The following ITGA9 variants were observed in gnomAD, a reference collection of about 807,000 sequenced individuals.
ITGA9 encodes the protein integrin subunit alpha 9, also known as integrin alpha-9.
ITGA9 carries 56 observed loss-of-function variants against 127.8 expected under a neutral mutation model. That is an observed-to-expected ratio of 0.44 (90% CI 0.35 to 0.55). ITGA9 has a LOEUF of 0.55. ITGA9 is among the 20% of genes least tolerant of loss of function. ITGA9 has a pLI of 0.00. For missense variants in ITGA9, 1,196 were observed against 1,347.1 expected (o/e 0.89, Z 1.76); for synonymous variants, 508 against 514.5 (o/e 0.99, Z 0.17).
At chr3:37,517,069 T>A (rs554657606) in intron 9 of ITGA9, among the ~76,000 whole-genome samples, 1 of 152,212 alleles carries the variant, frequency 6.6e-6, no homozygotes, top group Non-Finnish European at 1.5e-5. Context: ...TGCAAAACAG[T>A]TTTATAAACT....
intron 13 of ITGA9, 149 bp downstream of exon 13, chr3:37,526,220 A>C: frequency 1.3e-6 from 1 of 741,080 alleles, no homozygotes; most frequent in Non-Finnish European, 2.4e-6. Flanking sequence ...TCTCATTCTA[A>C]TTATTCTCTA....
rs1697475176 is a variant in ITGA9, at chr3:37,818,888, C to T, written c.3010-3C>T. 1.2e-6 allele frequency: 2 copies of T among 1,610,382 alleles called. No individual in the cohort carries two copies. Among genetic ancestry groups the T allele is most frequent in the South Asian group, 2.2e-5 (2 of 91,020 alleles). ...TCAGCTTCTCTTTCTTTCTGCCTTTCAGATGGGCTTCTTTCGCCGAAGGTA... is the reference window on the plus strand; with the variant it reads ...TCAGCTTCTCTTTCTTTCTGCCTTTTAGATGGGCTTCTTTCGCCGAAGGTA... On this transcript the variant is annotated splice_polypyrimidine_tract_variant and splice_region_variant and intron_variant, in intron 27 of 27. Transcript: ENST00000264741.
At chr3:37,790,099 A>T in intron 26 of ITGA9, 2 of 555,554 alleles carry the variant, frequency 3.6e-6, no homozygotes, top group South Asian at 2.8e-5. Context: ...TGCTTCTACA[A>T]TGGAAATTTT....
chr3:37,662,109 A>G (rs1700542045), intron 17 of ITGA9, among the ~76,000 whole-genome samples: 2 of 152,156 alleles, frequency 1.3e-5, no homozygotes, highest in African/African-American at 4.8e-5. Context: ...CCTAACAAGA[A>G]TACAGCCAGG....
chr3:37,649,167 G>A (rs1485458546), intron 16 of ITGA9, among the ~76,000 whole-genome samples: 2 of 148,432 alleles, frequency 1.3e-5, no homozygotes, highest in African/African-American at 2.5e-5. Context: ...AGAAAAAGAG[G>A]GACAAAAGAA....
At chr3:37,474,045 A>G (rs1214922982) in intron 3 of ITGA9, among the ~76,000 whole-genome samples, 1 of 152,254 alleles carries the variant, frequency 6.6e-6, no homozygotes, top group Admixed American at 6.5e-5. Context: ...CATTGTACGT[A>G]TCAGTAGTTC....
chr3:37,796,991 T>C (rs2125559531), intron 26 of ITGA9, among the ~76,000 whole-genome samples: 1 of 152,208 alleles, frequency 6.6e-6, no homozygotes, highest in Non-Finnish European at 1.5e-5. Context: ...ATGGGTTCCC[T>C]TGAGTTTGTT....
intron 7 of ITGA9, 68 bp from the exon 8 acceptor site, chr3:37,508,491 A>G (rs1486119581): frequency 7.7e-7 from 1 of 1,294,698 alleles, no homozygotes; most frequent in Non-Finnish European, 1.1e-6. Context: ...GACTCCCAGG[A>G]GAGTGCTGAT....
chr3:37,477,969 T>G (rs1290156767), intron 3 of ITGA9, among the ~76,000 whole-genome samples: 1 of 152,192 alleles, frequency 6.6e-6, no homozygotes, highest in African/African-American at 2.4e-5. Flanking sequence ...GTTGCTCTGT[T>G]TCCTGATTTT....
intron 18 of ITGA9, among the ~76,000 whole-genome samples, chr3:37,707,320 T>C (rs1163404478): frequency 6.6e-6 from 1 of 152,246 alleles, no homozygotes; most frequent in Admixed American, 6.5e-5. Flanking sequence ...AGTTCTTTTC[T>C]GTTTAAGTGG....
At chr3:37,794,132 T>C (rs1257050194) in intron 26 of ITGA9, among the ~76,000 whole-genome samples, 4 of 152,194 alleles carry the variant, frequency 2.6e-5, no homozygotes, top group African/African-American at 9.7e-5. Context: ...GTGCTAGGCA[T>C]GTGCTATGAT....
At chr3:37,646,758 G>C (rs1700382046) in intron 16 of ITGA9, among the ~76,000 whole-genome samples, 1 of 152,152 alleles carries the variant, frequency 6.6e-6, no homozygotes, top group South Asian at 2.1e-4. Flanking sequence ...GTGTTTGCCA[G>C]AGGACTTAGG....
chr3:37,650,436 T>C (rs1427769919), intron 16 of ITGA9, among the ~76,000 whole-genome samples: 1 of 152,126 alleles, frequency 6.6e-6, no homozygotes, highest in East Asian at 1.9e-4. Context: ...AATGTTTGTT[T>C]GTTTGTTTGT....
intron 4 of ITGA9, among the ~76,000 whole-genome samples, chr3:37,490,975 C>CCCCCTTTT (rs548395527): frequency 9.5e-6 from 1 of 105,104 alleles, no homozygotes; most frequent in South Asian, 3.6e-4. Context: ...TTCCCCCCCG[C>CCCCCTTTT]TTTTTTTTTT....
rs76699366 is a variant in ITGA9, at chr3:37,701,851, G to A, written c.2067+17836G>A. 4.2e-4 allele frequency among the ~76,000 whole-genome samples: 64 copies of A among 152,256 alleles called. 2 individuals are homozygous for A. In the East Asian group the frequency reaches 0.012, roughly 29 times the overall value. ...ACTAAGACAAAATACAGAATACAGAGCAGCAGTTCACGGGCTATAGCATTT... is the reference window on the plus strand; with the variant it reads ...ACTAAGACAAAATACAGAATACAGAACAGCAGTTCACGGGCTATAGCATTT... On this transcript the variant is annotated intron_variant, in intron 18 of 27. Transcript: ENST00000264741.
At chr3:37,746,347 G>C (rs1443771729) in intron 22 of ITGA9, among the ~76,000 whole-genome samples, 1 of 152,142 alleles carries the variant, frequency 6.6e-6, no homozygotes, top group African/African-American at 2.4e-5. Flanking sequence ...TCTTGGGCCT[G>C]CTTTTTACAT....
chr3:37,521,304 A>T (rs1051152641), intron 11 of ITGA9, among the ~76,000 whole-genome samples: 7 of 152,218 alleles, frequency 4.6e-5, no homozygotes, highest in Admixed American at 2.6e-4. Flanking sequence ...AACTCTGGGC[A>T]ATGGAATCAC....
chr3:37,460,665 C>T (rs1163624209), intron 1 of ITGA9, among the ~76,000 whole-genome samples: 1 of 148,196 alleles, frequency 6.7e-6, no homozygotes, highest in Non-Finnish European at 1.5e-5. Flanking sequence ...TCTCGGCTCA[C>T]TGCGAGCTCC....
chr3:37,494,087 T>C (rs536779898), intron 4 of ITGA9, among the ~76,000 whole-genome samples: 1 of 152,256 alleles, frequency 6.6e-6, no homozygotes, highest in Admixed American at 6.5e-5. Context: ...TTAGGGAAGA[T>C]TGGTCTTCTT....
Sources: gnomAD v4.1 joint callset for allele counts (sites outside exome capture counted in the v4.1 genomes callset) on GRCh38, gnomAD v4.1.1 for gene constraint, MANE v1.5 for transcripts, NCBI Gene and HGNC (gene_info 2026-07-23, HGNC 2026-07-21) for gene names.